FARP1: variants seen among roughly 807,000 people sequenced by gnomAD.
The protein encoded by FARP1 is FERM, ARHGEF and pleckstrin domain-containing protein 1.
Under a neutral mutation model 128.8 loss-of-function variants are expected in FARP1, and 52 were observed. That is an observed-to-expected ratio of 0.40 (90% CI 0.32 to 0.51). FARP1 has a LOEUF of 0.51. Ranked by LOEUF, FARP1 falls within the 20% of genes least tolerant of loss-of-function variation. FARP1 has a pLI of 0.45. For missense variants in FARP1, 1,333 were observed against 1,367.9 expected, an observed-to-expected ratio of 0.97 and a Z score of 0.40; for synonymous variants, 580 against 551.8, an observed-to-expected ratio of 1.05 and a Z score of -0.72.
chr13:98,306,919 A>G (rs1447881251), intron 2 of FARP1, among the ~76,000 whole-genome samples: 7 of 152,244 alleles, frequency 4.6e-5, no homozygotes, highest in African/African-American at 1.7e-4. Context: ...ACATTCATTA[A>G]ATATTGGGCT....
intron 2 of FARP1, among the ~76,000 whole-genome samples, chr13:98,308,029 CTCTCTTTTTTTTT>C (rs1409014899): frequency 2.6e-5 from 3 of 114,930 alleles, no homozygotes; most frequent in African/African-American, 1.1e-4. Context: ...CCCCCACTCT[CTCTCTTTTTTTTT>C]TTTTTTTTTT....
intron 17 of FARP1, among the ~76,000 whole-genome samples, chr13:98,425,188 G>A (rs1382472307): frequency 1.3e-5 from 2 of 151,090 alleles, no homozygotes; most frequent in African/African-American, 4.9e-5. Flanking sequence ...TTCTGTGAAT[G>A]GATGATTCAA....
At chr13:98,260,795 C>T (rs1258500290) in intron 2 of FARP1, among the ~76,000 whole-genome samples, 1 of 152,208 alleles carries the variant, frequency 6.6e-6, no homozygotes, top group Non-Finnish European at 1.5e-5. Context: ...ATCAACTTCT[C>T]ATCTGCTTCT....
At chr13:98,281,656 A>G (rs4386007) in intron 2 of FARP1, among the ~76,000 whole-genome samples, 16,027 of 152,238 alleles carry the variant, frequency 0.11, 1,322 homozygotes, top group African/African-American at 0.23. Flanking sequence ...AAAATGTACT[A>G]ACTGCAAACA....
chr13:98,234,527 T>G (rs1213004809), intron 2 of FARP1: 2 of 152,216 alleles, frequency 1.3e-5, no homozygotes, highest in African/African-American at 4.8e-5. Flanking sequence ...GGAAAAAATT[T>G]CCACCTCCGT....
intron 1 of FARP1, among the ~76,000 whole-genome samples, chr13:98,145,624 A>C (rs1474626139): frequency 1.3e-5 from 2 of 152,214 alleles, no homozygotes; most frequent in African/African-American, 4.8e-5. Flanking sequence ...TAATCCCAGC[A>C]CTTTGGGAGA....
chr13:98,441,005 G>A (rs1351244883), intron 24 of FARP1, among the ~76,000 whole-genome samples, 169 bp downstream of exon 24: 1 of 152,220 alleles, frequency 6.6e-6, no homozygotes, highest in Non-Finnish European at 1.5e-5. Flanking sequence ...GGAGCCTGCC[G>A]GAGGTATCCC....
At chr13:98,430,185 G>C (rs1358659012) in intron 17 of FARP1, among the ~76,000 whole-genome samples, 1 of 152,106 alleles carries the variant, frequency 6.6e-6, no homozygotes, top group Non-Finnish European at 1.5e-5. Context: ...CCAGGAGTTC[G>C]AGGCTGCAGT....
intron 2 of FARP1, among the ~76,000 whole-genome samples, chr13:98,246,365 T>G (rs1337845925): frequency 6.6e-6 from 1 of 151,758 alleles, no homozygotes; most frequent in Admixed American, 6.6e-5. Flanking sequence ...AGTGCTGGGA[T>G]TACAGGCGTG....
chr13:98,453,135 A>C lies in FARP1; in HGVS notation c.*4818A>C, dbSNP rs72652256. On this transcript the variant is annotated 3_prime_UTR_variant, in exon 27 of 27. Transcript: ENST00000319562. ...TAAAAAAGGAGGAGGATGAAGAAGG[A>C]AAAAAGGAAAAACAAAACCCCAAAT... The C allele has an allele frequency of 0.014, 22,234 of 1,610,940 alleles. 200 individuals carry two copies. Among genetic ancestry groups the C allele is most frequent in the Non-Finnish European group, 0.015 (18,214 of 1,177,920 alleles).
At chr13:98,445,474 C>T (rs1279858835) in intron 24 of FARP1, 5 of 152,266 alleles carry the variant, frequency 3.3e-5, no homozygotes, top group Admixed American at 2.6e-4. Context: ...CGGCCCTGAG[C>T]CTGGAGGTGG....
intron 2 of FARP1, among the ~76,000 whole-genome samples, chr13:98,295,855 T>G (rs1324246968): frequency 6.6e-6 from 1 of 152,130 alleles, no homozygotes; most frequent in African/African-American, 2.4e-5. Flanking sequence ...ATTCTGAGAG[T>G]CCTTTCTTCC....
chr13:98,409,425 A>C lies in FARP1; in HGVS notation c.1502A>C (p.Asn501Thr). The change falls in exon 14 of 27, where the codon AAC becomes ACC. Residue 501 changes from asparagine to threonine, a missense_variant. Around this residue, in one of 2 missense-constraint regions of FARP1, gnomAD observed 1,009 missense variants for 969.8 expected, o/e 1.04. Coordinates refer to ENST00000319562, the MANE Select transcript of FARP1 (RefSeq NM_005766.4). The part of the protein sequence containing the change: ...VAPANVTLSP[N>T]LSPDTKQASP... ...CCTGCCAACGTGACCTTGTCTCCCA[A>C]CCTGAGCCCCGACACCAAGCAGGCC... 7 of 1,613,894 alleles carry C rather than the reference A, an allele frequency of 4.3e-6. No individual in the cohort carries two copies. The highest frequency in any genetic ancestry group is 5.1e-6 in the Non-Finnish European group (6 of 1,179,986).
In FARP1 at chr13:98,451,196, G is replaced by C. The variant is rs776377419; in HGVS notation, c.*2879G>C. ...AATCAGAAAAGCTGCTGTCCGCCCT[G>C]GCTCACTTAAAAATCAGGTAACGGC... On this transcript the variant is annotated 3_prime_UTR_variant, in exon 27 of 27. Transcript: ENST00000319562. 2 of 152,114 alleles carry C rather than the reference G, an allele frequency of 1.3e-5. No individual in the cohort carries two copies. The highest frequency in any genetic ancestry group is 2.4e-5 in the African/African-American group (1 of 41,394). The allele number at this position is 152,114 out of a possible 1,614,324, so 9.4% of individuals were successfully genotyped here. A position where few individuals can be genotyped will look rare whatever the true frequency, so the allele number is the denominator to read the frequency against.
intron 13 of FARP1, chr13:98,401,303 A>G (rs959974279): frequency 3.9e-5 from 6 of 152,142 alleles, no homozygotes; most frequent in African/African-American, 1.4e-4. Context: ...TAGTGAGCAC[A>G]TGTACACACC....
rs774762205 is a variant in FARP1, at chr13:98,453,471, C to T, written c.*5154C>T. ...CCTCCCTGGAGAGATGTGAATAAAACGGGAAATCATATCCCTTTTACTTAC... is the reference window on the plus strand; with the variant it reads ...CCTCCCTGGAGAGATGTGAATAAAATGGGAAATCATATCCCTTTTACTTAC... On this transcript the variant is annotated 3_prime_UTR_variant, in exon 27 of 27. Coordinates refer to ENST00000319562, the MANE Select transcript of FARP1 (RefSeq NM_005766.4). The T allele has an allele frequency of 2.2e-5, 10 of 463,250 alleles. No individual in the cohort carries two copies. Among genetic ancestry groups the T allele is most frequent in the Admixed American group, 4.0e-5 (1 of 25,282 alleles). 28.7% of individuals were successfully genotyped at this position (463,250 alleles called of 1,614,324 possible).
intron 2 of FARP1, 121 bp downstream of exon 2, chr13:98,213,534 A>C (rs1594278627): frequency 3.1e-6 from 3 of 981,538 alleles, no homozygotes; most frequent in South Asian, 1.8e-5. Context: ...CATGTTCAGC[A>C]CCTCCCTCCC....
At chr13:98,291,612 C>T (rs1182381830) in intron 2 of FARP1, among the ~76,000 whole-genome samples, 3 of 152,162 alleles carry the variant, frequency 2.0e-5, no homozygotes, top group African/African-American at 4.8e-5. Context: ...TATATCCCAT[C>T]CCAGCAACAC....
intron 2 of FARP1, among the ~76,000 whole-genome samples, chr13:98,254,811 A>AT (rs749921672): frequency 3.9e-5 from 6 of 152,348 alleles, no homozygotes; most frequent in Non-Finnish European, 8.8e-5. Flanking sequence ...AGTATAACCA[A>AT]TGGCAGTGGG....
Sources: gnomAD v4.1 joint callset for allele counts (sites outside exome capture counted in the v4.1 genomes callset) on GRCh38, gnomAD v4.1.1 for gene constraint, gnomAD v4.1.1 regional missense constraint, MANE v1.5 for transcripts, NCBI Gene and HGNC (gene_info 2026-07-23, HGNC 2026-07-21) for gene names.